VCAN: variants seen among roughly 807,000 people sequenced by gnomAD.
VCAN encodes the protein versican core protein.
A neutral mutation model predicts 245.5 loss-of-function variants in VCAN; 44 were observed. The ratio of observed to expected loss-of-function variants is 0.18; its 90% CI spans 0.14 to 0.23. The LOEUF (loss-of-function observed/expected upper bound fraction) is 0.23. Ranked by LOEUF, VCAN falls within the 10% of genes least tolerant of loss-of-function variation. VCAN has a pLI of 1.00. For missense variants in VCAN, 3,793 were observed against 4,057.9 expected (o/e 0.93, Z 1.77); for synonymous variants, 1,413 against 1,437.0 (o/e 0.98, Z 0.38).
chr5:83,493,455 A>C, intron 3 of VCAN, 91 bp from the exon 4 acceptor site: 3 of 1,469,858 alleles, frequency 2.0e-6, no homozygotes, highest in Non-Finnish European at 2.9e-6. Context: ...TATGTATCCA[A>C]CTAAGTTGAT....
At chr5:83,491,058 C>T (rs1744966322) in intron 3 of VCAN, among the ~76,000 whole-genome samples, 2 of 152,108 alleles carry the variant, frequency 1.3e-5, no homozygotes, top group South Asian at 2.1e-4. Flanking sequence ...TTCGATCAAA[C>T]AGAAATTTAG....
At position 83,520,625 on chromosome 5, in the gene VCAN, T is replaced by C. The variant is rs2112409651; in HGVS notation, c.2319T>C (p.Thr773=). 1 of 1,613,994 alleles carries C rather than the reference T, an allele frequency of 6.2e-7. No individual in the cohort carries two copies. Among genetic ancestry groups the C allele is most frequent in the Non-Finnish European group, 8.5e-7 (1 of 1,179,982 alleles). The change falls in exon 7 of 15, where the codon ACT becomes ACC. Residue 773 remains threonine (T), a synonymous_variant. Transcript: ENST00000265077. ...ATATGGAGGAAGACTTTACAGCAAC[T>C]CCAGGTACTACAAAATATGATGAAA... The part of the protein sequence containing the change: ...VRDMEEDFTA[T]PGTTKYDENI...
In VCAN at chr5:83,552,847, T is replaced by A. The variant is rs1561266117; in HGVS notation, c.9494-517T>A. Among the ~76,000 whole-genome samples, 6 of 152,298 alleles carry A rather than the reference T, an allele frequency of 3.9e-5. No homozygotes were observed. The South Asian group carries it at 1.2e-3, about 32-fold the overall frequency. On this transcript the variant is annotated intron_variant, in intron 10 of 14. Transcript: ENST00000265077. ...CGTACCTATTCATAAAGGATTTTTT[T>A]CTCTTTGTCAGTTTTACATGACAAG...
intron 3 of VCAN, among the ~76,000 whole-genome samples, chr5:83,491,523 T>C (rs1421082350): frequency 6.6e-6 from 1 of 152,230 alleles, no homozygotes; most frequent in Non-Finnish European, 1.5e-5. Flanking sequence ...TGGGTTCTTC[T>C]AACCTTTTTA....
chr5:83,533,349 A>C (rs1746593510), intron 7 of VCAN, among the ~76,000 whole-genome samples: 1 of 152,130 alleles, frequency 6.6e-6, no homozygotes, highest in Non-Finnish European at 1.5e-5. Flanking sequence ...TTTCCCATTA[A>C]AATAGGAGAA....
chr5:83,546,019 T>A (rs1034054797), intron 9 of VCAN, among the ~76,000 whole-genome samples: 2 of 152,150 alleles, frequency 1.3e-5, no homozygotes, highest in African/African-American at 4.8e-5. Context: ...GACTTAAAAA[T>A]TAGGAAAATA....
chr5:83,574,457 A>G (rs2112502598), intron 13 of VCAN, among the ~76,000 whole-genome samples: 1 of 152,322 alleles, frequency 6.6e-6, no homozygotes, highest in Non-Finnish European at 1.5e-5. Context: ...ACATGATATA[A>G]CTATCCTGCA....
At chr5:83,576,223 T>C (rs2112505325) in intron 13 of VCAN, among the ~76,000 whole-genome samples, 1 of 152,258 alleles carries the variant, frequency 6.6e-6, no homozygotes, top group Non-Finnish European at 1.5e-5. Context: ...TTAATTCCCT[T>C]GCTTTTCCCT....
intron 10 of VCAN, among the ~76,000 whole-genome samples, chr5:83,548,724 A>T (rs1747335909): frequency 6.6e-6 from 1 of 152,218 alleles, no homozygotes. Context: ...AATAAGAAAC[A>T]GATTGCATGC....
intron 9 of VCAN, among the ~76,000 whole-genome samples, chr5:83,547,310 T>G (rs1041620971): frequency 9.2e-5 from 14 of 152,308 alleles, no homozygotes; most frequent in African/African-American, 3.4e-4. Flanking sequence ...CCTCAAAGTA[T>G]GTGATTCAGT....
chr5:83,540,453 A>T lies in VCAN; in HGVS notation c.7450A>T (p.Thr2484Ser). ...AGCTGTTACTGCTGATGGATTCCCAACAGTTTCAGTGATGCTGCCTCTTCA... is the reference window on the plus strand; with the variant it reads ...AGCTGTTACTGCTGATGGATTCCCATCAGTTTCAGTGATGCTGCCTCTTCA... ...AKAVTADGFPTVSVMLPLHSE... is the reference protein window; with the variant it reads ...AKAVTADGFPSVSVMLPLHSE... The change falls in exon 8 of 15, where the codon ACA becomes TCA. Residue 2484 changes from threonine to serine, a missense_variant. By Grantham distance (58) the Thr-to-Ser change is moderately conservative. Transcript: ENST00000265077. 22 of 1,613,994 alleles carry T rather than the reference A, an allele frequency of 1.4e-5. No individual in the cohort carries two copies. Among genetic ancestry groups the T allele is most frequent in the Non-Finnish European group, 1.8e-5 (21 of 1,179,940 alleles).
At chr5:83,566,828 C>T (rs1186593120) in intron 12 of VCAN, among the ~76,000 whole-genome samples, 1 of 152,124 alleles carries the variant, frequency 6.6e-6, no homozygotes, top group Non-Finnish European at 1.5e-5. Context: ...AAATTTTTGA[C>T]AAGTACAGAT....
At chr5:83,488,311 T>C (rs1167227714) in intron 2 of VCAN, among the ~76,000 whole-genome samples, 4 of 152,202 alleles carry the variant, frequency 2.6e-5, no homozygotes, top group African/African-American at 9.7e-5. Context: ...AGATAGTAAT[T>C]AAATACTTAT....
intron 7 of VCAN, among the ~76,000 whole-genome samples, chr5:83,530,023 T>C (rs1464321454): frequency 1.3e-5 from 2 of 152,118 alleles, no homozygotes; most frequent in Non-Finnish European, 2.9e-5. Flanking sequence ...TTAACTGAAA[T>C]AACTTCTTAA....
At chr5:83,485,857 T>C (rs1200406041) in intron 2 of VCAN, among the ~76,000 whole-genome samples, 1 of 152,260 alleles carries the variant, frequency 6.6e-6, no homozygotes, top group East Asian at 1.9e-4. Flanking sequence ...CCCAGGACTT[T>C]GGGAGGCCAA....
At chr5:83,500,165 A>T (rs1422749915) in intron 5 of VCAN, among the ~76,000 whole-genome samples, 1 of 152,218 alleles carries the variant, frequency 6.6e-6, no homozygotes, top group Non-Finnish European at 1.5e-5. Flanking sequence ...TTATTCAGTT[A>T]AAAAGCCACA....
chr5:83,528,608 AG>A (rs1317252655), intron 7 of VCAN, among the ~76,000 whole-genome samples: 1 of 152,130 alleles, frequency 6.6e-6, no homozygotes, highest in East Asian at 1.9e-4. Flanking sequence ...TTGATAAGAC[AG>A]CATGTTCTGT....
rs2112443995 is a variant in VCAN at position 83,539,096 on chromosome 5, A to G, written c.6093A>G (p.Gln2031=). The change falls in exon 8 of 15, where the codon CAA becomes CAG. Residue 2031 remains glutamine, a synonymous_variant. Transcript: ENST00000265077. ...TTCCAGTGCTTCCCAGTGCTGTGCA[A>G]AAGTTTTCTGGTACAGCTTCCTCCA... ...SVVPVLPSAV[Q]KFSGTASSII... The G allele has an allele frequency of 6.2e-7, 1 of 1,614,004 alleles. No homozygotes were observed. Among genetic ancestry groups the G allele is most frequent in the East Asian group, 2.2e-5 (1 of 44,848 alleles).
chr5:83,499,013 C>G (rs1183715705), intron 5 of VCAN, among the ~76,000 whole-genome samples: 1 of 152,072 alleles, frequency 6.6e-6, no homozygotes, highest in Non-Finnish European at 1.5e-5. Flanking sequence ...ACACGTGCAT[C>G]TCGCCCTGCA....
Sources: allele counts gnomAD v4.1 joint callset (sites outside exome capture counted in the v4.1 genomes callset), GRCh38; gene constraint gnomAD v4.1.1; transcripts MANE v1.5; gene names NCBI Gene and HGNC (gene_info 2026-07-23, HGNC 2026-07-21).